Variants in PBX1 observed in about 807,000 individuals in gnomAD.
The protein encoded by PBX1 is PBX homeobox 1.
In PBX1, 6 loss-of-function variants were observed where a neutral mutation model predicts 53.4. The observed-to-expected ratio is 0.11, with a 90% CI of 0.06 to 0.22. PBX1 has a LOEUF of 0.22. PBX1 is among the 10% of genes least tolerant of loss of function. The pLI is 1.00. For missense variants in PBX1, 251 were observed against 551.4 expected, an observed-to-expected ratio of 0.46 and a Z score of 5.46; for synonymous variants, 204 against 212.3, an observed-to-expected ratio of 0.96 and a Z score of 0.34.
chr1:164,685,658 C>A (rs190674233), intron 2 of PBX1, among the ~76,000 whole-genome samples: 1 of 152,232 alleles, frequency 6.6e-6, no homozygotes, highest in Non-Finnish European at 1.5e-5. Flanking sequence ...GACTTTTATA[C>A]ACATTTTTAC....
At chr1:164,846,470 C>G (rs1671573103) in intron 8 of PBX1, 114 bp from the exon 9 acceptor site, 3 of 855,496 alleles carry the variant, frequency 3.5e-6, no homozygotes, top group Non-Finnish European at 4.0e-6. Context: ...ATGAGTGTCT[C>G]CATGTGCCAG....
intron 8 of PBX1, among the ~76,000 whole-genome samples, chr1:164,825,852 G>C (rs1670433906): frequency 6.6e-6 from 1 of 152,082 alleles, no homozygotes; most frequent in Non-Finnish European, 1.5e-5. Flanking sequence ...CCTGTTTGTA[G>C]GATAGCCATG....
intron 2 of PBX1, among the ~76,000 whole-genome samples, chr1:164,772,040 C>A (rs1038278200): frequency 6.6e-6 from 1 of 152,180 alleles, no homozygotes; most frequent in African/African-American, 2.4e-5. Context: ...CCCAAGAATT[C>A]CAGCTGTCCT....
intron 2 of PBX1, among the ~76,000 whole-genome samples, chr1:164,664,482 C>T (rs181977771): frequency 5.9e-5 from 9 of 152,286 alleles, no homozygotes; most frequent in East Asian, 1.9e-4. Flanking sequence ...TGTGACCAAA[C>T]CAAAACTGAC....
At chr1:164,560,311 G>C (rs1652943055) in intron 1 of PBX1, 2 of 398,878 alleles carry the variant, frequency 5.0e-6, no homozygotes, top group Admixed American at 4.4e-5. Flanking sequence ...ACTGCCAACT[G>C]ATCCAAAAGC....
At chr1:164,777,734 T>G (rs1156795280) in intron 2 of PBX1, among the ~76,000 whole-genome samples, 1 of 152,212 alleles carries the variant, frequency 6.6e-6, no homozygotes, top group African/African-American at 2.4e-5. Flanking sequence ...GTCCTCAGTT[T>G]TGCAATCAGC....
chr1:164,850,361 T>G lies in PBX1; in HGVS notation c.*3685T>G, dbSNP rs1671773881. 1 of 210,148 alleles carries G rather than the reference T, an allele frequency of 4.8e-6. No individual in the cohort carries two copies. Among genetic ancestry groups the G allele is most frequent in the African/African-American group, 2.3e-5 (1 of 43,918 alleles). 13.0% of individuals were successfully genotyped at this position (210,148 alleles called of 1,614,324 possible). A position where few individuals can be genotyped will look rare whatever the true frequency, so the allele number is the denominator to read the frequency against. The stretch of plus-strand genomic sequence containing the variant: ...AAACTAAAAAAAAAAAAAAAAAGGT[T>G]GGAATAGTGAGCATAATAGGTACAA... On this transcript the variant is annotated 3_prime_UTR_variant, in exon 9 of 9. Coordinates refer to ENST00000420696, the MANE Select transcript of PBX1 (RefSeq NM_002585.4).
intron 2 of PBX1, among the ~76,000 whole-genome samples, chr1:164,592,327 T>C (rs747081214): frequency 8.5e-5 from 13 of 152,202 alleles, no homozygotes; most frequent in Non-Finnish European, 1.2e-4. Flanking sequence ...TAAACCTCCA[T>C]GCCAACCATT....
chr1:164,615,739 T>C (rs978505218), intron 2 of PBX1, among the ~76,000 whole-genome samples: 1 of 152,210 alleles, frequency 6.6e-6, no homozygotes, highest in Non-Finnish European at 1.5e-5. Context: ...TAGAACAGCA[T>C]TTAATTGTGC....
intron 2 of PBX1, among the ~76,000 whole-genome samples, chr1:164,569,392 A>G (rs891329272): frequency 6.6e-6 from 1 of 152,122 alleles, no homozygotes; most frequent in Non-Finnish European, 1.5e-5. Flanking sequence ...GGCATAGAGT[A>G]AACAGTCAAT....
chr1:164,840,674 CA>C (rs1205221868), intron 8 of PBX1, among the ~76,000 whole-genome samples: 1 of 152,080 alleles, frequency 6.6e-6, no homozygotes, highest in Non-Finnish European at 1.5e-5. Context: ...TCCCTAAACG[CA>C]AAACAAAACA....
At chr1:164,870,427 C>T (rs996617411) in intron 2 of PBX1, among the ~76,000 whole-genome samples, 3 of 151,614 alleles carry the variant, frequency 2.0e-5, no homozygotes, top group East Asian at 1.9e-4. Flanking sequence ...TCACTGCAAC[C>T]TCTGCCTCCT....
chr1:164,846,484 C>T lies in PBX1; in HGVS notation c.1201-100C>T, dbSNP rs1259195318. On this transcript the variant is annotated intron_variant, in intron 8 of 8. Transcript: ENST00000420696. ...GATGAGTGTCTCCATGTGCCAGGCA[C>T]TATGCTAGGTCCTTTACACAAGATG... 4.1e-6 allele frequency: 4 copies of T among 965,746 alleles called. No individual in the cohort carries two copies. The African/African-American group carries it at 6.4e-5, about 15-fold the overall frequency. 59.8% of individuals were successfully genotyped at this position (965,746 alleles called of 1,614,324 possible). A position where few individuals can be genotyped will look rare whatever the true frequency, so the allele number is the denominator to read the frequency against.
chr1:164,783,126 A>G (rs1024862833), intron 2 of PBX1, among the ~76,000 whole-genome samples: 1 of 152,182 alleles, frequency 6.6e-6, no homozygotes, highest in African/African-American at 2.4e-5. Context: ...CTGCCAGGCC[A>G]GGAGGATGGT....
intron 2 of PBX1, among the ~76,000 whole-genome samples, chr1:164,883,267 G>A (rs1011144712): frequency 1.3e-4 from 19 of 151,996 alleles, no homozygotes; most frequent in East Asian, 1.9e-4. Context: ...TGTTATTAGC[G>A]CCTCTCACCC....
At chr1:164,596,450 C>T (rs974259304) in intron 2 of PBX1, among the ~76,000 whole-genome samples, 2 of 152,214 alleles carry the variant, frequency 1.3e-5, no homozygotes, top group Non-Finnish European at 2.9e-5. Context: ...AGCAGTGGTT[C>T]TAACCATGGG....
At chr1:164,686,498 G>A (rs552429315) in intron 2 of PBX1, among the ~76,000 whole-genome samples, 1 of 152,154 alleles carries the variant, frequency 6.6e-6, no homozygotes, top group Admixed American at 6.5e-5. Context: ...ACTTACCTTG[G>A]CAGCAGCCCC....
chr1:164,663,501 G>T (rs533817169), intron 2 of PBX1, among the ~76,000 whole-genome samples: 5 of 152,242 alleles, frequency 3.3e-5, no homozygotes, highest in Admixed American at 3.3e-4. Context: ...TTGGGCTCTG[G>T]CCCATAGCTT....
rs145131165 is a variant in PBX1, at chr1:164,812,169, G to C, written c.997+20G>C. On this transcript the variant is annotated intron_variant, in intron 6 of 8. Transcript: ENST00000420696. ...CGGCTGGTTAGTTTTTTCTTTGATT[G>C]GGGGTGGGGGAAGGAATTGTTCTCC... is the stretch of plus-strand genomic sequence containing the variant. The C allele has an allele frequency of 4.4e-6, 7 of 1,595,886 alleles. No individual in the cohort carries two copies. Among genetic ancestry groups the C allele is most frequent in the African/African-American group, 1.3e-5 (1 of 74,354 alleles).
Sources: gnomAD v4.1 joint callset for allele counts (sites outside exome capture counted in the v4.1 genomes callset) on GRCh38, gnomAD v4.1.1 for gene constraint, MANE v1.5 for transcripts, NCBI Gene and HGNC (gene_info 2026-07-23, HGNC 2026-07-21) for gene names.